The following RPS6KC1 variants were observed in gnomAD, a reference collection of about 807,000 sequenced individuals.
RPS6KC1 encodes inactive ribosomal protein S6 kinase delta-1.
In RPS6KC1, 54 loss-of-function variants were observed where a neutral mutation model predicts 103.8. The ratio of observed to expected loss-of-function variants is 0.52; its 90% CI spans 0.42 to 0.65. RPS6KC1 has a LOEUF of 0.65. Among genes scored for constraint, RPS6KC1 ranks in the 30% least tolerant of loss-of-function variants. The pLI, the probability that RPS6KC1 is intolerant of heterozygous loss-of-function variation, is 0.00. For missense variants in RPS6KC1, 1,151 were observed against 1,253.8 expected (o/e 0.92, Z 1.24); for synonymous variants, 439 against 438.7 (o/e 1.00, Z -0.01).
the RPS6KC1 span, among the ~76,000 whole-genome samples, chr1:213,755,565 G>A: frequency 6.6e-6 from 1 of 152,204 alleles, no homozygotes; most frequent in South Asian, 2.1e-4. Context: ...TGATCAGGTT[G>A]CACTTTCACT....
chr1:213,476,029 G>C, the RPS6KC1 span, among the ~76,000 whole-genome samples: 1 of 150,028 alleles, frequency 6.7e-6, no homozygotes, highest in Non-Finnish European at 1.5e-5. Flanking sequence ...TCATCTCTGC[G>C]GCCCACAGTG....
At chr1:213,133,859 A>G (rs1490905213) in intron 6 of RPS6KC1, among the ~76,000 whole-genome samples, 1 of 152,168 alleles carries the variant, frequency 6.6e-6, no homozygotes, top group Non-Finnish European at 1.5e-5. Context: ...GTGCTATGCT[A>G]CTTCTCACAT....
At chr1:213,841,043 T>C in the RPS6KC1 span, 1 of 152,240 alleles carries the variant, frequency 6.6e-6, no homozygotes, top group Non-Finnish European at 1.5e-5. Flanking sequence ...ATCACTTCTC[T>C]ATGGTCTCCC....
the RPS6KC1 span, among the ~76,000 whole-genome samples, chr1:213,772,451 T>C: frequency 6.6e-6 from 1 of 152,186 alleles, no homozygotes; most frequent in African/African-American, 2.4e-5. Context: ...TGTACAAAAA[T>C]AAAAGTTTTC....
At chr1:213,740,716 T>G in the RPS6KC1 span, among the ~76,000 whole-genome samples, 1 of 147,398 alleles carries the variant, frequency 6.8e-6, no homozygotes, top group Non-Finnish European at 1.5e-5. Context: ...CTCAGATATA[T>G]GTACACATAT....
chr1:213,226,866 T>TA (rs2093975991), intron 8 of RPS6KC1, among the ~76,000 whole-genome samples: 1 of 152,256 alleles, frequency 6.6e-6, no homozygotes, highest in Non-Finnish European at 1.5e-5. Context: ...GTTATTGTCT[T>TA]ATTTACTCAC....
intron 8 of RPS6KC1, among the ~76,000 whole-genome samples, chr1:213,227,987 A>G (rs905248990): frequency 1.4e-4 from 22 of 152,060 alleles, no homozygotes; most frequent in African/African-American, 4.8e-4. Flanking sequence ...AATGTTGGGG[A>G]TTCTTGGGGT....
At chr1:213,590,301 G>A in the RPS6KC1 span, among the ~76,000 whole-genome samples, 536 of 152,266 alleles carry the variant, frequency 3.5e-3, 2 homozygotes, top group African/African-American at 0.012. Context: ...TGAGGAGTGG[G>A]AGGAAGAGAA....
intron 4 of RPS6KC1, among the ~76,000 whole-genome samples, chr1:213,105,059 G>A (rs1364690685): frequency 6.6e-6 from 1 of 151,954 alleles, no homozygotes; most frequent in Non-Finnish European, 1.5e-5. Context: ...GCCACTGTAA[G>A]TCTATATTAA....
chr1:213,690,803 A>C, the RPS6KC1 span, among the ~76,000 whole-genome samples: 5 of 152,166 alleles, frequency 3.3e-5, no homozygotes, highest in African/African-American at 1.2e-4. Flanking sequence ...AAAATAATGC[A>C]ATTGAAACAC....
At chr1:213,396,483 C>G in the RPS6KC1 span, among the ~76,000 whole-genome samples, 2 of 152,198 alleles carry the variant, frequency 1.3e-5, no homozygotes, top group Admixed American at 6.5e-5. Flanking sequence ...TGACTGAGGA[C>G]CCATCTCTGG....
At chr1:213,410,664 C>G in the RPS6KC1 span, among the ~76,000 whole-genome samples, 1 of 152,056 alleles carries the variant, frequency 6.6e-6, no homozygotes, top group African/African-American at 2.4e-5. Flanking sequence ...TGATGGATCC[C>G]AGTTCAGACT....
At chr1:213,174,052 T>C (rs1435598052) in intron 7 of RPS6KC1, among the ~76,000 whole-genome samples, 1 of 152,236 alleles carries the variant, frequency 6.6e-6, no homozygotes, top group African/African-American at 2.4e-5. Context: ...AGTATTCTTT[T>C]TTCCCTCCTT....
the RPS6KC1 span, among the ~76,000 whole-genome samples, chr1:213,651,128 C>T: frequency 2.0e-5 from 3 of 151,922 alleles, no homozygotes; most frequent in African/African-American, 7.3e-5. Flanking sequence ...AATGGGGAGC[C>T]CTATTTACTT....
At chr1:213,450,452 G>A in the RPS6KC1 span, among the ~76,000 whole-genome samples, 1 of 151,948 alleles carries the variant, frequency 6.6e-6, no homozygotes, top group Admixed American at 6.6e-5. Context: ...AATCCAAGTG[G>A]AATGCTCTTA....
the RPS6KC1 span, among the ~76,000 whole-genome samples, chr1:213,752,623 G>A: frequency 6.6e-6 from 1 of 151,920 alleles, no homozygotes; most frequent in African/African-American, 2.4e-5. Context: ...TCCATGGAGG[G>A]AAAAAAAGAG....
chr1:213,691,292 G>A, the RPS6KC1 span, among the ~76,000 whole-genome samples: 1 of 152,188 alleles, frequency 6.6e-6, no homozygotes, highest in Non-Finnish European at 1.5e-5. Flanking sequence ...ACCTCCAAAA[G>A]CAAATACTTG....
the RPS6KC1 span, among the ~76,000 whole-genome samples, chr1:213,381,697 G>A: frequency 2.0e-5 from 3 of 151,898 alleles, no homozygotes; most frequent in African/African-American, 7.3e-5. Flanking sequence ...ACTAGGTGAT[G>A]GCAGCTGTAA....
the RPS6KC1 span, among the ~76,000 whole-genome samples, chr1:213,615,626 A>G: frequency 2.6e-5 from 4 of 152,364 alleles, no homozygotes; most frequent in African/African-American, 7.2e-5. Flanking sequence ...CTTGGCCCCC[A>G]GGCAGCCCTC....
Sources: allele counts gnomAD v4.1 joint callset (sites outside exome capture counted in the v4.1 genomes callset), GRCh38; gene constraint gnomAD v4.1.1; transcripts MANE v1.5; gene names NCBI Gene and HGNC (gene_info 2026-07-23, HGNC 2026-07-21).